Variants in PDE3A observed in about 807,000 individuals in gnomAD.
The protein encoded by PDE3A is cGMP-inhibited 3',5'-cyclic phosphodiesterase 3A.
In PDE3A, 43 loss-of-function variants were observed where a neutral mutation model predicts 98.3. That is an observed-to-expected ratio of 0.44 (90% CI 0.34 to 0.56). PDE3A has a LOEUF of 0.56. Among genes scored for constraint, PDE3A ranks in the 20% least tolerant of loss-of-function variants. The pLI, the probability that PDE3A is intolerant of heterozygous loss-of-function variation, is 0.01. For synonymous variants in PDE3A, 663 were observed against 567.9 expected, an observed-to-expected ratio of 1.17 and a Z score of -2.38; for missense variants, 1,427 against 1,440.7, an observed-to-expected ratio of 0.99 and a Z score of 0.15.
chr12:20,381,644 A>G (rs1440495264), intron 1 of PDE3A, among the ~76,000 whole-genome samples: 1 of 151,846 alleles, frequency 6.6e-6, no homozygotes, highest in East Asian at 1.9e-4. Flanking sequence ...TTAGTTTCCA[A>G]GACATTGATT....
chr12:20,412,627 C>G (rs1321582441), intron 1 of PDE3A, among the ~76,000 whole-genome samples: 1 of 152,148 alleles, frequency 6.6e-6, no homozygotes, highest in African/African-American at 2.4e-5. Flanking sequence ...TGAGATGCTC[C>G]ACATCCTACC....
chr12:20,666,107 G>A (rs1203820262), intron 15 of PDE3A, among the ~76,000 whole-genome samples: 1 of 151,646 alleles, frequency 6.6e-6, no homozygotes, highest in Non-Finnish European at 1.5e-5. Flanking sequence ...AGCTAGGACA[G>A]GCATATGCCA....
intron 1 of PDE3A, among the ~76,000 whole-genome samples, chr12:20,522,116 A>T: frequency 6.6e-6 from 1 of 152,054 alleles, no homozygotes; most frequent in South Asian, 2.1e-4. Flanking sequence ...CTTGGGACAC[A>T]CTTTCAGGTG....
chr12:20,587,878 G>A (rs971771223), intron 2 of PDE3A, among the ~76,000 whole-genome samples: 1 of 152,186 alleles, frequency 6.6e-6, no homozygotes, highest in South Asian at 2.1e-4. Context: ...CTGACATACA[G>A]ATAGAAAAAG....
At chr12:20,400,413 T>G (rs201378364) in intron 1 of PDE3A, among the ~76,000 whole-genome samples, 58,454 of 107,986 alleles carry the variant, frequency 0.54, 15,641 homozygotes, top group East Asian at 0.72. Context: ...TTTTTTTTTT[T>G]TTTTTTTTTT....
chr12:20,603,546 TTTTA>T (rs1055498613), intron 2 of PDE3A, among the ~76,000 whole-genome samples: 52 of 151,938 alleles, frequency 3.4e-4, no homozygotes, highest in African/African-American at 1.1e-3. Context: ...GTTTTTATTG[TTTTA>T]TTTATTTATT....
rs1439288144 is a variant in PDE3A, at chr12:20,383,165, C to G, written c.960+12921C>G. Among the ~76,000 whole-genome samples the G allele has an allele frequency of 3.3e-5, 5 of 151,880 alleles. No homozygotes were observed. In the East Asian group the frequency reaches 9.7e-4, roughly 30 times the overall value. On this transcript the variant is annotated intron_variant, in intron 1 of 15. Coordinates refer to ENST00000359062, the MANE Select transcript of PDE3A (RefSeq NM_000921.5). Reference sequence around the variant, plus strand: ...TCGTAAAAATGATGCTTTTGAGGGTCGGTTGTGTAGTGTGTCCTATAACCC... The same window carrying G: ...TCGTAAAAATGATGCTTTTGAGGGTGGGTTGTGTAGTGTGTCCTATAACCC...
intron 4 of PDE3A, among the ~76,000 whole-genome samples, chr12:20,617,419 C>T (rs1944032295): frequency 6.6e-6 from 1 of 152,100 alleles, no homozygotes; most frequent in East Asian, 1.9e-4. Flanking sequence ...TATAATCCCA[C>T]TCCATCCTAT....
chr12:20,413,506 C>G (rs571236126), intron 1 of PDE3A, among the ~76,000 whole-genome samples: 14 of 151,966 alleles, frequency 9.2e-5, no homozygotes, highest in African/African-American at 3.4e-4. Context: ...CTGTGGACAC[C>G]CCCTGCCTAG....
intron 1 of PDE3A, among the ~76,000 whole-genome samples, chr12:20,477,476 A>G (rs1330124204): frequency 6.6e-6 from 1 of 152,254 alleles, no homozygotes; most frequent in East Asian, 1.9e-4. Context: ...GTTGTTAAAT[A>G]CTTTTTTTTT....
chr12:20,656,869 C>G (rs928503332), intron 15 of PDE3A, among the ~76,000 whole-genome samples: 3 of 152,200 alleles, frequency 2.0e-5, no homozygotes, highest in African/African-American at 7.2e-5. Context: ...ACAGGCTCAA[C>G]TTGTCAACCT....
rs11045304 is a variant in PDE3A at position 20,556,157 on chromosome 12, A to G, written c.961-503A>G. The stretch of plus-strand genomic sequence containing the variant: ...TTTTATAGGTTATTATTAAAAATCT[A>G]CGTTTTGTGACTATGTGGGCATATT... On this transcript the variant is annotated intron_variant, in intron 1 of 15. Coordinates refer to ENST00000359062, the MANE Select transcript of PDE3A (RefSeq NM_000921.5). Among the ~76,000 whole-genome samples the G allele has an allele frequency of 5.4e-3, 822 of 152,274 alleles. 8 individuals carry two copies. The highest frequency in any genetic ancestry group is 0.019 in the African/African-American group (792 of 41,548).
intron 1 of PDE3A, among the ~76,000 whole-genome samples, chr12:20,451,536 G>A (rs1456350043): frequency 1.3e-5 from 2 of 152,098 alleles, no homozygotes; most frequent in Non-Finnish European, 2.9e-5. Flanking sequence ...GGCCTTCCAG[G>A]TCTCAAGTGA....
chr12:20,432,404 A>G (rs1565547300), intron 1 of PDE3A, among the ~76,000 whole-genome samples: 1 of 152,168 alleles, frequency 6.6e-6, no homozygotes, highest in African/African-American at 2.4e-5. Context: ...TACAGTTAAC[A>G]GTACATACTC....
rs1222799413 is a variant in PDE3A, at chr12:20,635,071, C to T, written c.2001+15C>T. On this transcript the variant is annotated intron_variant, in intron 8 of 15. Coordinates refer to ENST00000359062, the MANE Select transcript of PDE3A (RefSeq NM_000921.5). ...TGATGTTTCTGGTAGTCCCATATCA[C>T]TTAACTCACTCATTTACTTGAGAGA... 2 of 1,596,984 alleles carry T rather than the reference C, an allele frequency of 1.3e-6. No individual in the cohort carries two copies. Among genetic ancestry groups the T allele is most frequent in the Non-Finnish European group, 1.7e-6 (2 of 1,171,238 alleles).
At chr12:20,565,746 T>A (rs1027769144) in intron 2 of PDE3A, among the ~76,000 whole-genome samples, 1 of 152,000 alleles carries the variant, frequency 6.6e-6, no homozygotes, top group Non-Finnish European at 1.5e-5. Context: ...AATTTTTTTT[T>A]ATTTGGGGAA....
At chr12:20,529,846 A>G (rs1437280985) in intron 1 of PDE3A, among the ~76,000 whole-genome samples, 1 of 152,220 alleles carries the variant, frequency 6.6e-6, no homozygotes, top group African/African-American at 2.4e-5. Flanking sequence ...ATTAGTAGTC[A>G]TGGTCTCCTG....
intron 1 of PDE3A, among the ~76,000 whole-genome samples, chr12:20,448,494 G>T (rs918216624): frequency 1.2e-4 from 19 of 152,188 alleles, no homozygotes; most frequent in Admixed American, 9.2e-4. Context: ...AAAATTCTGT[G>T]GTAGGTATGT....
intron 2 of PDE3A, among the ~76,000 whole-genome samples, chr12:20,582,367 A>AT (rs1013975269): frequency 5.3e-5 from 8 of 151,744 alleles, no homozygotes; most frequent in Admixed American, 4.6e-4. Flanking sequence ...TGTTTTTTGT[A>AT]TTTTTTTGTA....
Sources: allele counts gnomAD v4.1 joint callset (sites outside exome capture counted in the v4.1 genomes callset), GRCh38; gene constraint gnomAD v4.1.1; transcripts MANE v1.5; gene names NCBI Gene and HGNC (gene_info 2026-07-23, HGNC 2026-07-21).